ZNF609: variants seen among roughly 807,000 people sequenced by gnomAD.
ZNF609 encodes zinc finger protein 609.
ZNF609 carries 11 observed loss-of-function variants against 109.5 expected under a neutral mutation model. The ratio of observed to expected loss-of-function variants is 0.10; its 90% CI spans 0.06 to 0.17. The LOEUF is 0.17. Among genes scored for constraint, ZNF609 ranks in the 10% least tolerant of loss-of-function variants. The pLI, the probability that ZNF609 is intolerant of heterozygous loss-of-function variation, is 1.00. For missense variants in ZNF609, 1,559 were observed against 1,772.4 expected, an observed-to-expected ratio of 0.88 and a Z score of 2.16; for synonymous variants, 646 against 662.0, an observed-to-expected ratio of 0.98 and a Z score of 0.37.
rs397817266 is a variant in ZNF609, at chr15:64,638,016, A to AT, written c.973+14964_973+14965insT. ...GTTTTATATATATATATATATATAT[A>AT]AAATATATATAAAAATACATATATA... On this transcript the variant is annotated intron_variant, in intron 3 of 9. Transcript: ENST00000326648. 2.3e-3 allele frequency among the ~76,000 whole-genome samples: 312 copies of AT among 136,684 alleles called. 2 individuals carry two copies. The East Asian group carries it at 0.043, about 19-fold the overall frequency. 89.7% of individuals were successfully genotyped at this position (136,684 alleles called of 152,430 possible).
intron 2 of ZNF609, among the ~76,000 whole-genome samples, chr15:64,607,468 T>G (rs73453007): frequency 0.046 from 6,940 of 151,788 alleles, 522 homozygotes; most frequent in African/African-American, 0.16. Flanking sequence ...ATTTAACAGG[T>G]TTTTTAATGT....
chr15:64,497,442 C>T (rs898869605), intron 1 of ZNF609, among the ~76,000 whole-genome samples: 2 of 152,186 alleles, frequency 1.3e-5, no homozygotes, highest in East Asian at 1.9e-4. Context: ...CTTGCCCCTA[C>T]ACCCTAGTTC....
intron 2 of ZNF609, among the ~76,000 whole-genome samples, chr15:64,560,040 C>A (rs1471808616): frequency 6.6e-6 from 1 of 152,094 alleles, no homozygotes; most frequent in Non-Finnish European, 1.5e-5. Flanking sequence ...TACCACCCTT[C>A]CTCTTGTCTC....
At chr15:64,643,395 G>T (rs1352478613) in intron 3 of ZNF609, among the ~76,000 whole-genome samples, 2 of 152,224 alleles carry the variant, frequency 1.3e-5, no homozygotes, top group Non-Finnish European at 2.9e-5. Context: ...CTGACTGGGA[G>T]TTGAGGTATT....
chr15:64,573,158 T>G (rs543241694), intron 2 of ZNF609, among the ~76,000 whole-genome samples: 2 of 151,234 alleles, frequency 1.3e-5, no homozygotes, highest in East Asian at 3.9e-4. Context: ...TGAAGAAGAG[T>G]GATTATGAGA....
intron 7 of ZNF609, 117 bp from the exon 8 acceptor site, chr15:64,680,529 G>T: frequency 1.6e-6 from 2 of 1,272,210 alleles, no homozygotes; most frequent in Non-Finnish European, 2.2e-6. Context: ...TGCACTTTTA[G>T]GGGTCATAAG....
At chr15:64,537,566 GA>G (rs1055443249) in intron 2 of ZNF609, among the ~76,000 whole-genome samples, 16 of 149,608 alleles carry the variant, frequency 1.1e-4, no homozygotes, top group African/African-American at 2.2e-4. Flanking sequence ...AAAGAAAAAA[GA>G]AAAAAAATAC....
chr15:64,555,950 T>A (rs1358786451), intron 2 of ZNF609, among the ~76,000 whole-genome samples: 1 of 118,384 alleles, frequency 8.4e-6, no homozygotes, highest in African/African-American at 3.1e-5. Context: ...AAAACAGAAA[T>A]CACCCATAAT....
chr15:64,622,982 G>A lies in ZNF609; in HGVS notation c.903G>A (p.Glu301=), dbSNP rs200684421. Residue 301 remains glutamate (E), a synonymous_variant, in exon 3 of 10, where the codon GAG becomes GAA. Coordinates refer to ENST00000326648, the MANE Select transcript of ZNF609 (RefSeq NM_015042.2). Reference sequence around the variant, plus strand: ...ATGTGGCTCTGGCCACAGAGCCTGAGTGCTTGGGCCCCTGTGAACCTGGAA... The same window carrying A: ...ATGTGGCTCTGGCCACAGAGCCTGAATGCTTGGGCCCCTGTGAACCTGGAA... The part of the protein sequence containing the change: ...TCDVALATEP[E]CLGPCEPGTS... The A allele has an allele frequency of 8.1e-6, 13 of 1,614,254 alleles. No homozygotes were observed. The East Asian group carries it at 2.7e-4, about 33-fold the overall frequency.
intron 3 of ZNF609, among the ~76,000 whole-genome samples, chr15:64,669,322 G>A (rs986678227): frequency 3.3e-5 from 5 of 152,138 alleles, no homozygotes; most frequent in African/African-American, 4.8e-5. Flanking sequence ...CTAAATGTCC[G>A]TTCAAATGCT....
At chr15:64,636,755 T>A (rs1221560612) in intron 3 of ZNF609, among the ~76,000 whole-genome samples, 2 of 152,210 alleles carry the variant, frequency 1.3e-5, no homozygotes, top group African/African-American at 4.8e-5. Flanking sequence ...ACTAGTCTTC[T>A]GCCCTAGAGA....
chr15:64,602,889 A>ATTTTTTTTTTTTTTTTTTTTTT (rs10600562), intron 2 of ZNF609, among the ~76,000 whole-genome samples: 5 of 75,170 alleles, frequency 6.7e-5, no homozygotes, highest in Admixed American at 2.1e-4. Flanking sequence ...CTCTGGGCTA[A>ATTTTTTTTTTTTTTTTTTTTTT]TTTTTTTTTT....
At chr15:64,614,385 A>G (rs894276276) in intron 2 of ZNF609, among the ~76,000 whole-genome samples, 1 of 151,884 alleles carries the variant, frequency 6.6e-6, no homozygotes, top group African/African-American at 2.4e-5. Flanking sequence ...GACTGCCACA[A>G]TGCCCGGCTA....
chr15:64,602,759 G>A (rs1356498876), intron 2 of ZNF609, among the ~76,000 whole-genome samples: 2 of 107,744 alleles, frequency 1.9e-5, no homozygotes, highest in Non-Finnish European at 3.4e-5. Flanking sequence ...GTCTTGCTCT[G>A]TCACCCAGGC....
At chr15:64,528,570 T>C in intron 2 of ZNF609, 3 of 601,622 alleles carry the variant, frequency 5.0e-6, no homozygotes, top group Admixed American at 4.9e-5. Flanking sequence ...GGAGGGGAGA[T>C]TCAGCTTGGT....
At chr15:64,565,049 T>C (rs1894754072) in intron 2 of ZNF609, among the ~76,000 whole-genome samples, 1 of 146,848 alleles carries the variant, frequency 6.8e-6, no homozygotes, top group African/African-American at 2.5e-5. Context: ...GGGGTTTTCT[T>C]TTTTTTTCTT....
chr15:64,480,737 T>C (rs1893240093), intron 1 of ZNF609, among the ~76,000 whole-genome samples: 1 of 152,180 alleles, frequency 6.6e-6, no homozygotes, highest in African/African-American at 2.4e-5. Context: ...CATGGAAGTT[T>C]GAAAGGTTTA....
At chr15:64,519,015 A>G (rs1194102460) in intron 2 of ZNF609, among the ~76,000 whole-genome samples, 1 of 151,450 alleles carries the variant, frequency 6.6e-6, no homozygotes, top group Non-Finnish European at 1.5e-5. Flanking sequence ...TCAAACAATC[A>G]TATGCACATC....
At position 64,487,085 on chromosome 15, in the gene ZNF609, T is replaced by C. The variant is rs74697922; in HGVS notation, c.-127-12208T>C. Among the ~76,000 whole-genome samples, 1,199 of 152,272 alleles carry C rather than the reference T, an allele frequency of 7.9e-3. 17 individuals carry two copies. Among genetic ancestry groups the C allele is most frequent in the African/African-American group, 0.028 (1,148 of 41,554 alleles). On this transcript the variant is annotated intron_variant, in intron 1 of 9. Coordinates refer to ENST00000326648, the MANE Select transcript of ZNF609 (RefSeq NM_015042.2). ...CTATTACATTTTTGGTGCAACTTTT[T>C]CCCCCCAGGATTTAATATCATTACT... is the stretch of plus-strand genomic sequence containing the variant.
Sources: gnomAD v4.1 joint callset for allele counts (sites outside exome capture counted in the v4.1 genomes callset) on GRCh38, gnomAD v4.1.1 for gene constraint, MANE v1.5 for transcripts, NCBI Gene and HGNC (gene_info 2026-07-23, HGNC 2026-07-21) for gene names.